NREP: variants seen among roughly 807,000 people sequenced by gnomAD.
NREP encodes the protein neuronal regeneration related protein.
In NREP, 5 loss-of-function variants were observed where a neutral mutation model predicts 8.6. The observed-to-expected ratio is 0.58, with a 90% CI of 0.30 to 1.22. NREP has a LOEUF of 1.22. NREP is among the 50% of genes most tolerant of loss of function. The probability of loss-of-function intolerance (pLI) is 0.07; values close to 1 mark genes in which losing one functional copy is unlikely to be tolerated. For missense variants in NREP, 86 were observed against 82.5 expected, an observed-to-expected ratio of 1.04 and a Z score of -0.17; for synonymous variants, 27 against 28.0, an observed-to-expected ratio of 0.96 and a Z score of 0.11.
chr5:111,780,253 T>C (rs942251250), intron 2 of NREP, among the ~76,000 whole-genome samples: 1 of 152,198 alleles, frequency 6.6e-6, no homozygotes, highest in Non-Finnish European at 1.5e-5. Flanking sequence ...AATACATTAG[T>C]GGGACTTTGG....
At chr5:111,766,650 T>C (rs921931513) in intron 2 of NREP, among the ~76,000 whole-genome samples, 1 of 152,218 alleles carries the variant, frequency 6.6e-6, no homozygotes, top group African/African-American at 2.4e-5. Context: ...TAGGCCATCC[T>C]AACCCTCTGT....
At chr5:111,796,272 C>T (rs1751871371) in intron 2 of NREP, among the ~76,000 whole-genome samples, 1 of 152,178 alleles carries the variant, frequency 6.6e-6, no homozygotes, top group Non-Finnish European at 1.5e-5. Context: ...CCTGCTCTGA[C>T]TCTTTTGCCT....
intron 2 of NREP, among the ~76,000 whole-genome samples, chr5:111,822,316 T>A (rs1752530354): frequency 6.6e-6 from 1 of 152,176 alleles, no homozygotes; most frequent in Non-Finnish European, 1.5e-5. Flanking sequence ...TTACAACAGA[T>A]AACTAAAAGA....
rs1438634497 is a variant in NREP at position 111,975,189 on chromosome 5, A to G, written c.135+85T>C. On this transcript the variant is annotated intron_variant, in intron 2 of 3. Transcript: ENST00000395634. ...ATGGTGGGAATGACTGCACCAGTTC[A>G]GGAATCACTTGGTTGCATGTGATGG... is the stretch of plus-strand genomic sequence containing the variant. 12 of 882,628 alleles carry G rather than the reference A, an allele frequency of 1.4e-5. No individual in the cohort carries two copies. The East Asian group carries it at 3.2e-4, about 24-fold the overall frequency. The allele number at this position is 882,628 out of a possible 1,614,324, so 54.7% of individuals were successfully genotyped here. A position where few individuals can be genotyped will look rare whatever the true frequency, so the allele number is the denominator to read the frequency against.
Position 111,729,538 on chromosome 5 carries a change from A to AACTC in NREP, c.*1379_*1382dup, listed in dbSNP as rs1288352830. 1 of 152,714 alleles carries AACTC rather than the reference A, an allele frequency of 6.5e-6. No homozygotes were observed. Among genetic ancestry groups the AACTC allele is most frequent in the African/African-American group, 2.4e-5 (1 of 41,462 alleles). 9.5% of individuals were successfully genotyped at this position (152,714 alleles called of 1,614,324 possible). A position where few individuals can be genotyped will look rare whatever the true frequency, so the allele number is the denominator to read the frequency against. On this transcript the variant is annotated 3_prime_UTR_variant, in exon 4 of 4. Transcript: ENST00000257435. ...GGAGGGAGAGGAGTAATGCACAAGA[A>AACTC]ACTCAGGCCAATGGGGGAGCAAGAA...
intron 2 of NREP, among the ~76,000 whole-genome samples, chr5:111,950,393 A>T (rs1016174561): frequency 2.0e-5 from 3 of 152,158 alleles, no homozygotes; most frequent in Non-Finnish European, 2.9e-5. Flanking sequence ...TACAAAAATT[A>T]ACTCAAAATG....
chr5:111,783,613 G>C (rs1291326757), intron 2 of NREP, among the ~76,000 whole-genome samples: 3 of 152,190 alleles, frequency 2.0e-5, no homozygotes, highest in Non-Finnish European at 4.4e-5. Context: ...TTCTCCATCT[G>C]AGGAAGTTTC....
upstream of NREP, chr5:111,757,354 A>G: frequency 1.1e-6 from 1 of 899,136 alleles, no homozygotes; most frequent in Non-Finnish European, 1.3e-6. Flanking sequence ...CCTTGGAAAA[A>G]GGAGGAGGAG....
chr5:111,971,803 A>AAAGC (rs1412614085), intron 2 of NREP, among the ~76,000 whole-genome samples: 2 of 152,156 alleles, frequency 1.3e-5, no homozygotes, highest in African/African-American at 2.4e-5. Flanking sequence ...CACACTAAGA[A>AAAGC]ACAAAAAGCT....
intron 2 of NREP, among the ~76,000 whole-genome samples, chr5:111,853,898 C>T (rs754473245): frequency 5.3e-5 from 8 of 152,080 alleles, no homozygotes; most frequent in South Asian, 2.1e-4. Context: ...GCTGCTCTTG[C>T]GCACCATGAT....
chr5:111,973,334 A>C (rs1756873031), intron 2 of NREP, among the ~76,000 whole-genome samples: 2 of 152,146 alleles, frequency 1.3e-5, no homozygotes, highest in African/African-American at 2.4e-5. Flanking sequence ...ATGCTGAGCT[A>C]TCTCTTATCC....
intron 2 of NREP, among the ~76,000 whole-genome samples, chr5:111,767,244 A>T (rs1444340452): frequency 1.3e-5 from 2 of 152,180 alleles, no homozygotes; most frequent in African/African-American, 4.8e-5. Context: ...TTAAAGTCTG[A>T]GCACACTTTC....
chr5:111,880,881 G>GCTCC (rs201402350), intron 2 of NREP, among the ~76,000 whole-genome samples: 1,679 of 152,106 alleles, frequency 0.011, 17 homozygotes, highest in South Asian at 0.036. Flanking sequence ...CCGTTCTACA[G>GCTCC]CTCCCAGCGT....
intron 2 of NREP, among the ~76,000 whole-genome samples, chr5:111,823,282 C>A (rs539667198): frequency 6.6e-6 from 1 of 152,178 alleles, no homozygotes; most frequent in Non-Finnish European, 1.5e-5. Context: ...ACACCTCCCA[C>A]AAGACCCACC....
At chr5:111,922,801 A>G (rs1035637850) in intron 2 of NREP, among the ~76,000 whole-genome samples, 3 of 152,166 alleles carry the variant, frequency 2.0e-5, no homozygotes, top group Admixed American at 2.0e-4. Flanking sequence ...TGGAAAGTGA[A>G]TCTGCGAGAA....
intron 2 of NREP, among the ~76,000 whole-genome samples, chr5:111,879,847 G>T (rs191858598): frequency 6.6e-6 from 1 of 152,248 alleles, no homozygotes; most frequent in Non-Finnish European, 1.5e-5. Flanking sequence ...GAGAAAAAAA[G>T]ACAGTGCAAG....
chr5:111,733,128 G>A (rs1748752412), intron 3 of NREP: 1 of 152,116 alleles, frequency 6.6e-6, no homozygotes, highest in African/African-American at 2.4e-5. Context: ...TCTGTTTCAA[G>A]GTCCCAGATA....
chr5:111,970,487 C>T (rs1205404370), intron 2 of NREP, among the ~76,000 whole-genome samples: 1 of 152,088 alleles, frequency 6.6e-6, no homozygotes, highest in South Asian at 2.1e-4. Flanking sequence ...TTTCCCATTC[C>T]CCACCACCTC....
chr5:111,764,611 C>T (rs943178508), intron 2 of NREP, among the ~76,000 whole-genome samples: 2 of 152,146 alleles, frequency 1.3e-5, no homozygotes, highest in East Asian at 1.9e-4. Context: ...TCCCACAACA[C>T]GTGGGAATTC....
Sources: gnomAD v4.1 joint callset for allele counts (sites outside exome capture counted in the v4.1 genomes callset) on GRCh38, gnomAD v4.1.1 for gene constraint, MANE v1.5 for transcripts, NCBI Gene and HGNC (gene_info 2026-07-23, HGNC 2026-07-21) for gene names.